Variants in ENOX1 observed in about 807,000 individuals in gnomAD.
The protein encoded by ENOX1 is ecto-NOX disulfide-thiol exchanger 1.
A neutral mutation model predicts 82.5 loss-of-function variants in ENOX1; 42 were observed. The observed-to-expected ratio is 0.51, with a 90% CI of 0.40 to 0.66. The LOEUF (loss-of-function observed/expected upper bound fraction) is 0.66, where lower values mean the gene tolerates loss of function less well. ENOX1 is among the 30% of genes least tolerant of loss of function. The pLI, the probability that ENOX1 is intolerant of heterozygous loss-of-function variation, is 0.00. For missense variants in ENOX1, 608 were observed against 811.6 expected (o/e 0.75, Z 3.05); for synonymous variants, 271 against 282.2 (o/e 0.96, Z 0.40).
intron 3 of ENOX1, among the ~76,000 whole-genome samples, chr13:43,438,015 G>A (rs1436637988): frequency 1.3e-5 from 2 of 152,172 alleles, no homozygotes; most frequent in African/African-American, 2.4e-5. Flanking sequence ...ACAACACTAT[G>A]ATCAAAAATA....
chr13:43,698,709 C>T (rs977776604), intron 1 of ENOX1, among the ~76,000 whole-genome samples: 3 of 152,052 alleles, frequency 2.0e-5, no homozygotes, highest in African/African-American at 7.2e-5. Context: ...GCACTTTTCA[C>T]AAAATTATAA....
chr13:43,409,379 C>G (rs2053984880), intron 5 of ENOX1, among the ~76,000 whole-genome samples: 1 of 151,814 alleles, frequency 6.6e-6, no homozygotes, highest in Non-Finnish European at 1.5e-5. Flanking sequence ...ATAAAAATGT[C>G]CACTGCAATG....
chr13:43,533,527 C>T (rs2078322318), intron 2 of ENOX1, among the ~76,000 whole-genome samples: 1 of 152,164 alleles, frequency 6.6e-6, no homozygotes, highest in Non-Finnish European at 1.5e-5. Flanking sequence ...CCTGTCCTCA[C>T]TACCTCTGAG....
intron 9 of ENOX1, among the ~76,000 whole-genome samples, chr13:43,333,247 C>G (rs1337019992): frequency 1.3e-5 from 2 of 152,178 alleles, no homozygotes; most frequent in Non-Finnish European, 2.9e-5. Flanking sequence ...TTGAAAGGTA[C>G]TGGCAAGTTG....
intron 3 of ENOX1, among the ~76,000 whole-genome samples, chr13:43,428,928 T>G (rs553173371): frequency 6.6e-6 from 1 of 152,232 alleles, no homozygotes; most frequent in African/African-American, 2.4e-5. Context: ...TCAGTTATCA[T>G]GTGGGACACT....
chr13:43,439,256 G>A (rs34900316), intron 3 of ENOX1, among the ~76,000 whole-genome samples: 175 of 149,462 alleles, frequency 1.2e-3, no homozygotes, highest in Admixed American at 1.9e-3. Context: ...TTTTTGAGAC[G>A]GAGTCTCACT....
chr13:43,615,964 G>A (rs1419480627), intron 2 of ENOX1, among the ~76,000 whole-genome samples: 1 of 151,034 alleles, frequency 6.6e-6, no homozygotes, highest in Non-Finnish European at 1.5e-5. Context: ...GGGTGTATAT[G>A]TGCCACATTT....
At chr13:43,219,855 G>T (rs759003398) in intron 16 of ENOX1, among the ~76,000 whole-genome samples, 19 of 152,260 alleles carry the variant, frequency 1.2e-4, no homozygotes, top group Non-Finnish European at 2.6e-4. Context: ...AGGGGCTCCT[G>T]TTTGGGCTAC....
chr13:43,307,474 A>G (rs1244125469), intron 11 of ENOX1, among the ~76,000 whole-genome samples: 1 of 152,182 alleles, frequency 6.6e-6, no homozygotes, highest in African/African-American at 2.4e-5. Flanking sequence ...CCTGGCCTTT[A>G]GGGACCAGGT....
intron 1 of ENOX1, among the ~76,000 whole-genome samples, chr13:43,705,330 C>CTCTCTCTA (rs141765196): frequency 2.9e-4 from 38 of 129,848 alleles, no homozygotes; most frequent in African/African-American, 6.6e-4. Flanking sequence ...CTCTCTCTCT[C>CTCTCTCTA]TATATATATA....
rs72187459 is a variant in ENOX1, at chr13:43,284,771, GGTGTGTGTGTGTGT to G, written c.1446+13561_1446+13574del. Among the ~76,000 whole-genome samples, 81 of 143,780 alleles carry G rather than the reference GGTGTGTGTGTGTGT, an allele frequency of 5.6e-4. 1 individual carries two copies. The South Asian group carries it at 0.011, about 19-fold the overall frequency. The allele number at this position is 143,780 out of a possible 152,430, so 94.3% of individuals were successfully genotyped here. A position where few individuals can be genotyped will look rare whatever the true frequency, so the allele number is the denominator to read the frequency against. Reference sequence around the variant, plus strand: ...AAGGCTGTTGTGGCTATTTGTTAAAGGTGTGTGTGTGTGTGTGTGTGTGTGTGTGTGTGTGTGTG... The same window carrying G: ...AAGGCTGTTGTGGCTATTTGTTAAAGGTGTGTGTGTGTGTGTGTGTGTGTG... On this transcript the variant is annotated intron_variant, in intron 12 of 16. Coordinates refer to ENST00000690772, the MANE Select transcript of ENOX1 (RefSeq NM_001347969.2).
At chr13:43,349,548 C>T (rs1356949648) in intron 8 of ENOX1, among the ~76,000 whole-genome samples, 1 of 152,160 alleles carries the variant, frequency 6.6e-6, no homozygotes, top group East Asian at 1.9e-4. Context: ...ACATAGTAGG[C>T]ATTACAAAAC....
chr13:43,418,523 C>T (rs2054776232), intron 3 of ENOX1, among the ~76,000 whole-genome samples: 1 of 151,932 alleles, frequency 6.6e-6, no homozygotes, highest in Non-Finnish European at 1.5e-5. Context: ...AAGACTCTGT[C>T]TCAAAAAAAT....
At chr13:43,330,527 T>C (rs1252200601) in intron 9 of ENOX1, among the ~76,000 whole-genome samples, 2 of 152,210 alleles carry the variant, frequency 1.3e-5, no homozygotes, top group African/African-American at 2.4e-5. Context: ...GAGCTCTCCA[T>C]CAGAAAATTT....
intron 14 of ENOX1, among the ~76,000 whole-genome samples, chr13:43,257,881 C>T (rs951201357): frequency 1.3e-5 from 2 of 152,188 alleles, no homozygotes; most frequent in African/African-American, 2.4e-5. Flanking sequence ...CCATGTCAGA[C>T]CATTTCACAC....
At chr13:43,768,579 C>T (rs1251543284) in intron 1 of ENOX1, among the ~76,000 whole-genome samples, 1 of 152,196 alleles carries the variant, frequency 6.6e-6, no homozygotes, top group Non-Finnish European at 1.5e-5. Context: ...TATGATCATG[C>T]CACTGCACTC....
At chr13:43,709,767 A>C (rs1456696074) in intron 1 of ENOX1, among the ~76,000 whole-genome samples, 2 of 152,216 alleles carry the variant, frequency 1.3e-5, no homozygotes, top group Non-Finnish European at 2.9e-5. Context: ...AAATGAGAAA[A>C]GAATATCAAA....
chr13:43,298,614 C>T, intron 11 of ENOX1, 84 bp from the exon 12 acceptor site: 3 of 1,306,466 alleles, frequency 2.3e-6, no homozygotes, highest in Non-Finnish European at 3.1e-6. Flanking sequence ...GAGTCTGTCA[C>T]CCAAGTTCTT....
chr13:43,220,118 CAAG>C (rs1001438339), intron 16 of ENOX1, among the ~76,000 whole-genome samples: 3 of 151,548 alleles, frequency 2.0e-5, no homozygotes, highest in South Asian at 4.2e-4. Flanking sequence ...GGAAAGAAGA[CAAG>C]AAGTCAGGAA....
Sources: gnomAD v4.1 joint callset for allele counts (sites outside exome capture counted in the v4.1 genomes callset) on GRCh38, gnomAD v4.1.1 for gene constraint, MANE v1.5 for transcripts, NCBI Gene and HGNC (gene_info 2026-07-23, HGNC 2026-07-21) for gene names.